The following POFUT3 variants were observed in gnomAD, a reference collection of about 807,000 sequenced individuals.
The protein encoded by POFUT3 is GDP-fucose protein O-fucosyltransferase 3.
At chr8:33,389,245 G>T in the POFUT3 span, 3 of 1,614,118 alleles carry the variant, frequency 1.9e-6, no homozygotes, top group East Asian at 2.2e-5. Context: ...AGTCTGTGAT[G>T]CTGGGGGATC....
At chr8:33,473,109 TTTCTCCCTA>T in the POFUT3 span, 4 of 152,114 alleles carry the variant, frequency 2.6e-5, no homozygotes, top group African/African-American at 7.3e-5. Flanking sequence ...CGCAGCTTCC[TTTCTCCCTA>T]TGAGCCCAAG....
At chr8:33,376,498 T>C in the POFUT3 span, among the ~76,000 whole-genome samples, 1 of 152,154 alleles carries the variant, frequency 6.6e-6, no homozygotes, top group East Asian at 1.9e-4. Context: ...GAAGGGACTA[T>C]ATAAGTGGAA....
At chr8:33,385,985 C>T in the POFUT3 span, among the ~76,000 whole-genome samples, 1 of 151,814 alleles carries the variant, frequency 6.6e-6, no homozygotes, top group Admixed American at 6.6e-5. Flanking sequence ...GTCAGGAGTT[C>T]GAGATCAGCC....
chr8:33,390,220 A>G, the POFUT3 span, among the ~76,000 whole-genome samples: 2 of 151,088 alleles, frequency 1.3e-5, no homozygotes, highest in Non-Finnish European at 2.9e-5. Context: ...ACACACACAC[A>G]CACACATGAA....
At chr8:33,437,766 A>G in the POFUT3 span, among the ~76,000 whole-genome samples, 1 of 152,132 alleles carries the variant, frequency 6.6e-6, no homozygotes, top group African/African-American at 2.4e-5. Context: ...AGCCAAGATC[A>G]TCCGCTGCAC....
At chr8:33,309,659 G>T in the POFUT3 span, among the ~76,000 whole-genome samples, 1 of 151,998 alleles carries the variant, frequency 6.6e-6, no homozygotes, top group South Asian at 2.1e-4. Context: ...CTGTTTCTAG[G>T]TATCATCATC....
chr8:33,396,745 T>C, the POFUT3 span, among the ~76,000 whole-genome samples: 1 of 152,222 alleles, frequency 6.6e-6, no homozygotes, highest in Non-Finnish European at 1.5e-5. Flanking sequence ...AATTAAAATA[T>C]ACAGAATACT....
At chr8:33,326,792 GTTTGA>G in the POFUT3 span, among the ~76,000 whole-genome samples, 1 of 152,124 alleles carries the variant, frequency 6.6e-6, no homozygotes. Context: ...TTGTCTGTTT[GTTTGA>G]AATAGGGTCT....
At chr8:33,437,551 C>A in the POFUT3 span, among the ~76,000 whole-genome samples, 1 of 152,176 alleles carries the variant, frequency 6.6e-6, no homozygotes, top group Non-Finnish European at 1.5e-5. Flanking sequence ...TGGCTCACAC[C>A]TGTAATCCCA....
the POFUT3 span, among the ~76,000 whole-genome samples, chr8:33,434,039 A>G: frequency 6.6e-6 from 1 of 151,646 alleles, no homozygotes; most frequent in Non-Finnish European, 1.5e-5. Context: ...CGAGGCAGGC[A>G]GATCATGAGG....
the POFUT3 span, among the ~76,000 whole-genome samples, chr8:33,324,522 G>A: frequency 6.6e-6 from 1 of 151,958 alleles, no homozygotes; most frequent in African/African-American, 2.4e-5. Flanking sequence ...TTGTCTAACA[G>A]GCATCTCAAA....
chr8:33,383,545 T>A, the POFUT3 span, among the ~76,000 whole-genome samples: 1 of 152,114 alleles, frequency 6.6e-6, no homozygotes, highest in Non-Finnish European at 1.5e-5. Context: ...ATACCTGTAA[T>A]CTCAGCACTT....
chr8:33,410,674 C>A, the POFUT3 span, among the ~76,000 whole-genome samples: 8 of 152,158 alleles, frequency 5.3e-5, no homozygotes, highest in Non-Finnish European at 4.4e-5. Context: ...TCCTATTAGC[C>A]AGTAACACAG....
At chr8:33,390,548 CAAAA>C in the POFUT3 span, among the ~76,000 whole-genome samples, 10 of 87,836 alleles carry the variant, frequency 1.1e-4, no homozygotes, top group African/African-American at 3.1e-4. Context: ...TGATTAACTG[CAAAA>C]AAAAAAAAAA....
the POFUT3 span, among the ~76,000 whole-genome samples, chr8:33,405,352 G>A: frequency 5.1e-4 from 78 of 152,174 alleles, no homozygotes; most frequent in African/African-American, 1.7e-3. Flanking sequence ...ATCGTCTTAA[G>A]AACTTTCTCC....
At chr8:33,434,405 C>T in the POFUT3 span, among the ~76,000 whole-genome samples, 1 of 152,146 alleles carries the variant, frequency 6.6e-6, no homozygotes, top group African/African-American at 2.4e-5. Flanking sequence ...GCACCCCTCC[C>T]ACTCCCATAT....
At chr8:33,358,715 A>G in the POFUT3 span, among the ~76,000 whole-genome samples, 4 of 152,112 alleles carry the variant, frequency 2.6e-5, no homozygotes, top group Non-Finnish European at 4.4e-5. Context: ...GTGTCCTTAT[A>G]AAAGAGACCC....
At chr8:33,429,790 G>A in the POFUT3 span, among the ~76,000 whole-genome samples, 4 of 152,068 alleles carry the variant, frequency 2.6e-5, no homozygotes, top group Non-Finnish European at 5.9e-5. Context: ...GAGGCCAGGA[G>A]TTTGAGGCCA....
the POFUT3 span, chr8:33,372,847 A>G: frequency 1.3e-6 from 2 of 1,551,580 alleles, no homozygotes; most frequent in South Asian, 1.1e-5. Flanking sequence ...ACATATGATA[A>G]TGAAGCACAA....
Sources: allele counts gnomAD v4.1 joint callset (sites outside exome capture counted in the v4.1 genomes callset), GRCh38; gene constraint gnomAD v4.1.1; transcripts MANE v1.5; gene names NCBI Gene and HGNC (gene_info 2026-07-23, HGNC 2026-07-21).